CFAP47: variants seen among roughly 807,000 people sequenced by gnomAD.
The protein encoded by CFAP47 is cilia and flagella associated protein 47, also known as cilia- and flagella-associated protein 47.
Under a neutral mutation model 148.1 loss-of-function variants are expected in CFAP47, and 29 were observed. The ratio of observed to expected loss-of-function variants is 0.20; its 90% CI spans 0.15 to 0.27. CFAP47 has a LOEUF of 0.27. Ranked by LOEUF, CFAP47 falls within the 10% of genes least tolerant of loss-of-function variation. The pLI is 1.00. For missense variants in CFAP47, 1,872 were observed against 1,697.5 expected, an observed-to-expected ratio of 1.10 and a Z score of -1.81; for synonymous variants, 664 against 577.3, an observed-to-expected ratio of 1.15 and a Z score of -2.15.
chrX:36,031,413 T>C (rs1255548084), intron 23 of CFAP47, 66 bp downstream of exon 23: 1 of 273,322 alleles, frequency 3.7e-6, no homozygotes, highest in Non-Finnish European at 6.5e-6. Context: ...TTTGTTAAGT[T>C]GATTATTCAT....
At chrX:36,234,544 T>G (rs966517755) in intron 46 of CFAP47, among the ~76,000 whole-genome samples, 1 of 112,012 alleles carries the variant, frequency 8.9e-6, no homozygotes, top group Non-Finnish European at 1.9e-5. Flanking sequence ...TTTCAACTTC[T>G]TTGCCTTTGG....
intron 26 of CFAP47, among the ~76,000 whole-genome samples, chrX:36,058,757 G>A (rs1937572807): frequency 1.8e-5 from 2 of 110,822 alleles, no homozygotes; most frequent in South Asian, 7.7e-4. Context: ...TCTTATTGCC[G>A]GGAGTTCCCA....
intron 40 of CFAP47, among the ~76,000 whole-genome samples, chrX:36,182,720 T>TACTAGGATTAACCAGCATGGTAGCAA (rs1317711055): frequency 1.1e-4 from 12 of 109,883 alleles, no homozygotes; most frequent in Non-Finnish European, 2.3e-4. Flanking sequence ...ATAATCTCTA[T>TACTAGGATTAACCAGCATGGTAGCAA]GTTTAACCAG....
At chrX:36,282,211 G>A (rs1556003770) in intron 50 of CFAP47, among the ~76,000 whole-genome samples, 1 of 110,505 alleles carries the variant, frequency 9.0e-6, no homozygotes, top group Non-Finnish European at 1.9e-5. Context: ...AACATGAGTT[G>A]TAAAGGTTTA....
At chrX:36,354,758 T>C (rs1341719804) in intron 60 of CFAP47, among the ~76,000 whole-genome samples, 1 of 110,601 alleles carries the variant, frequency 9.0e-6, no homozygotes, top group Non-Finnish European at 1.9e-5. Flanking sequence ...TTTAGGGAGA[T>C]TTAGGACACC....
Position 36,254,026 on chromosome X carries a change from C to T in CFAP47, c.7444+2582C>T, listed in dbSNP as rs370110546. On this transcript the variant is annotated intron_variant, in intron 49 of 63. Transcript: ENST00000378653. ...CCACTGTATCTAAATATGAATATCA[C>T]GTAGCTCCTTCTTCCTGAGAATTCA... 2.1e-4 allele frequency among the ~76,000 whole-genome samples: 23 copies of T among 112,171 alleles called. No homozygotes were observed. The South Asian group carries it at 8.0e-3, about 39-fold the overall frequency.
At chrX:36,332,840 C>T (rs1434760323) in intron 57 of CFAP47, among the ~76,000 whole-genome samples, 2 of 112,308 alleles carry the variant, frequency 1.8e-5, no homozygotes, top group African/African-American at 6.5e-5. Flanking sequence ...CATTAGCAAA[C>T]TCTCCACATA....
chrX:35,924,835 A>T (rs73466930), intron 1 of CFAP47, among the ~76,000 whole-genome samples: 4,371 of 111,339 alleles, frequency 0.039, 205 homozygotes, highest in African/African-American at 0.13. Flanking sequence ...CAGATAGGTA[A>T]AAACATGAGC....
chrX:36,073,968 A>G (rs774099227), intron 29 of CFAP47, among the ~76,000 whole-genome samples: 253 of 112,143 alleles, frequency 2.3e-3, no homozygotes, highest in African/African-American at 7.1e-3. Flanking sequence ...CTCAGCAATG[A>G]GGTAACTTGC....
intron 29 of CFAP47, among the ~76,000 whole-genome samples, chrX:36,073,941 G>A (rs184972456): frequency 3.3e-4 from 37 of 112,040 alleles, no homozygotes; most frequent in Non-Finnish European, 6.8e-4. Context: ...TGTTCTCAGA[G>A]CTTTTCTACC....
At chrX:35,997,448 T>C (rs1045547203) in intron 19 of CFAP47, 59 bp downstream of exon 19, 3 of 286,774 alleles carry the variant, frequency 1.0e-5, no homozygotes, top group Middle Eastern at 9.2e-4. Flanking sequence ...TTATTTGTTA[T>C]GTGTTTCTAG....
intron 48 of CFAP47, among the ~76,000 whole-genome samples, chrX:36,244,924 C>T (rs1339934123): frequency 1.8e-5 from 2 of 110,776 alleles, no homozygotes; most frequent in Non-Finnish European, 3.8e-5. Context: ...AACTTGAGGC[C>T]GATATCCCTG....
intron 30 of CFAP47, among the ~76,000 whole-genome samples, chrX:36,095,367 G>A (rs899662558): frequency 9.0e-6 from 1 of 111,595 alleles, no homozygotes; most frequent in Non-Finnish European, 1.9e-5. Context: ...ATATTTCTTT[G>A]CTTTCAGCAT....
intron 41 of CFAP47, among the ~76,000 whole-genome samples, chrX:36,188,925 T>C (rs970752771): frequency 2.7e-5 from 3 of 111,296 alleles, no homozygotes; most frequent in South Asian, 3.8e-4. Context: ...TTCCCTCCAA[T>C]GTACAAATAA....
chrX:36,212,620 TTAAA>T (rs1170330549), intron 45 of CFAP47, among the ~76,000 whole-genome samples: 2 of 111,339 alleles, frequency 1.8e-5, no homozygotes, highest in African/African-American at 6.6e-5. Flanking sequence ...CTTTTTTTAG[TTAAA>T]TATATTCCTA....
chrX:36,379,042 C>A (rs782326233), intron 62 of CFAP47, among the ~76,000 whole-genome samples: 1 of 111,894 alleles, frequency 8.9e-6, no homozygotes, highest in African/African-American at 3.2e-5. Context: ...CAACTCCTGA[C>A]CTCAGGTGAT....
intron 3 of CFAP47, among the ~76,000 whole-genome samples, chrX:35,947,965 G>A (rs1936107656): frequency 9.0e-6 from 1 of 111,620 alleles, no homozygotes; most frequent in Admixed American, 9.6e-5. Context: ...TACAATTAAA[G>A]CTTTAATTCT....
At chrX:36,133,981 A>C (rs1010173402) in intron 33 of CFAP47, among the ~76,000 whole-genome samples, 5 of 110,691 alleles carry the variant, frequency 4.5e-5, no homozygotes, top group Non-Finnish European at 9.5e-5. Context: ...TATGATCACT[A>C]TACAATTAAA....
rs782118087 is a variant in CFAP47 at position 36,235,946 on chromosome X, A to G, written c.7027A>G (p.Asn2343Asp). 6.1e-6 allele frequency: 3 copies of G among 490,787 alleles called. No homozygotes were observed. In the East Asian group the frequency reaches 1.1e-4, roughly 18 times the overall value. The allele number at this position is 490,787 out of a possible 1,213,427, so 40.4% of individuals were successfully genotyped here. A position where few individuals can be genotyped will look rare whatever the true frequency, so the allele number is the denominator to read the frequency against. The change falls in exon 47 of 64, where the codon AAC becomes GAC. Residue 2343 changes from asparagine to aspartate, a missense_variant. By Grantham distance (23) the Asn-to-Asp change is conservative. Coordinates refer to ENST00000378653, the MANE Select transcript of CFAP47 (RefSeq NM_001304548.2). ...TTTCATGCTTTAGAAAAATCAAACA[A>G]ACGATAAATGGACCTTTCAAGTTAC... ...TQNIPIKNQT[N>D]DKWTFQVTIE...
Sources: allele counts gnomAD v4.1 joint callset (sites outside exome capture counted in the v4.1 genomes callset), GRCh38; gene constraint gnomAD v4.1.1; transcripts MANE v1.5; gene names NCBI Gene and HGNC (gene_info 2026-07-23, HGNC 2026-07-21).